TSPEAR: variants seen among roughly 807,000 people sequenced by gnomAD.
TSPEAR encodes thrombospondin type laminin G domain and EAR repeats, also known as thrombospondin-type laminin G domain and EAR repeat-containing protein.
A neutral mutation model predicts 71.6 loss-of-function variants in TSPEAR; 69 were observed. That is an observed-to-expected ratio of 0.96 (90% CI 0.79 to 1.18). The LOEUF is 1.18. Ranked by LOEUF, TSPEAR falls within the 50% of genes most tolerant of loss-of-function variation. The pLI is 0.00. For missense variants in TSPEAR, 971 were observed against 894.9 expected, an observed-to-expected ratio of 1.09 and a Z score of -1.09; for synonymous variants, 402 against 387.2, an observed-to-expected ratio of 1.04 and a Z score of -0.45.
At chr21:44,544,360 C>A (rs1340368401) in intron 2 of TSPEAR, among the ~76,000 whole-genome samples, 6 of 152,012 alleles carry the variant, frequency 3.9e-5, no homozygotes, top group Admixed American at 2.6e-4. Flanking sequence ...TACAAAGGGG[C>A]ATGAGGGAAA....
chr21:44,571,352 G>C (rs1334837678), intron 1 of TSPEAR, among the ~76,000 whole-genome samples: 4 of 152,246 alleles, frequency 2.6e-5, no homozygotes, highest in Non-Finnish European at 4.4e-5. Flanking sequence ...ATCCAGCCTA[G>C]AGGGGAACAT....
At chr21:44,501,915 C>T (rs781842581) in intron 11 of TSPEAR, among the ~76,000 whole-genome samples, 9 of 152,214 alleles carry the variant, frequency 5.9e-5, no homozygotes, top group Non-Finnish European at 1.0e-4. Flanking sequence ...GAAAGCCCTG[C>T]AGTGTGTATT....
chr21:44,681,694 T>C (rs1986598430), intron 1 of TSPEAR: 1 of 1,181,788 alleles, frequency 8.5e-7, no homozygotes, highest in Middle Eastern at 3.0e-4. Context: ...TCTATTATAT[T>C]CTCGATCCAG....
chr21:44,548,205 G>A (rs1189977119), intron 2 of TSPEAR, among the ~76,000 whole-genome samples: 2 of 152,192 alleles, frequency 1.3e-5, no homozygotes, highest in East Asian at 1.9e-4. Context: ...GCACTGCCTT[G>A]CAAACAAGGT....
rs1243726878 is a variant in TSPEAR, at chr21:44,642,304, A to G, written c.82+69129T>C. 1.3e-5 allele frequency among the ~76,000 whole-genome samples: 2 copies of G among 152,220 alleles called. No homozygotes were observed. The highest frequency in any genetic ancestry group is 4.8e-5 in the African/African-American group (2 of 41,446). ...CAAAGATGTATACCATCAGCCTTCA[A>G]TACAAAGACTTTTCTGTGATACTTG... is the stretch of plus-strand genomic sequence containing the variant. On this transcript the variant is annotated intron_variant, in intron 1 of 11. Coordinates refer to ENST00000323084, the MANE Select transcript of TSPEAR (RefSeq NM_144991.3). The surrounding 1 kb of genome is among the most constrained non-coding windows in gnomAD (Gnocchi z 4.1).
chr21:44,594,320 A>G (rs1281876115), intron 1 of TSPEAR, among the ~76,000 whole-genome samples: 1 of 152,214 alleles, frequency 6.6e-6, no homozygotes, highest in Non-Finnish European at 1.5e-5. Context: ...GTAACCTTAT[A>G]AGGGGATAAT....
chr21:44,573,439 C>T (rs1405753427), intron 1 of TSPEAR, among the ~76,000 whole-genome samples: 1 of 152,132 alleles, frequency 6.6e-6, no homozygotes, highest in African/African-American at 2.4e-5. Flanking sequence ...TCCACGTGCG[C>T]CTGGGGAGCA....
chr21:44,663,672 T>C (rs587689505), intron 1 of TSPEAR, among the ~76,000 whole-genome samples: 2 of 152,178 alleles, frequency 1.3e-5, no homozygotes, highest in African/African-American at 4.8e-5. Flanking sequence ...GAAAACTATA[T>C]ACTATTAATA....
chr21:44,603,290 C>T (rs1191039114), intron 1 of TSPEAR, among the ~76,000 whole-genome samples: 1 of 152,186 alleles, frequency 6.6e-6, no homozygotes, highest in Non-Finnish European at 1.5e-5. Context: ...ATGAGCCAGG[C>T]TTCTCTCTGG....
intron 1 of TSPEAR, among the ~76,000 whole-genome samples, chr21:44,699,785 C>T (rs1304666390): frequency 2.0e-5 from 3 of 152,224 alleles, no homozygotes; most frequent in Non-Finnish European, 4.4e-5. Flanking sequence ...GCCACGCTTA[C>T]GGCGGCCTCC....
At chr21:44,667,135 G>A (rs957722292) in intron 1 of TSPEAR, among the ~76,000 whole-genome samples, 1 of 152,186 alleles carries the variant, frequency 6.6e-6, no homozygotes, top group Non-Finnish European at 1.5e-5. Flanking sequence ...TTGGAAACCT[G>A]CCAGAGTGTT....
intron 9 of TSPEAR, chr21:44,517,244 A>C (rs956966847): frequency 2.6e-5 from 4 of 154,516 alleles, no homozygotes; most frequent in African/African-American, 9.6e-5. Context: ...CTTTGGGTGG[A>C]GCCACCACTT....
chr21:44,600,506 C>A, intron 1 of TSPEAR: 2 of 1,261,056 alleles, frequency 1.6e-6, no homozygotes, highest in Non-Finnish European at 2.2e-6. Context: ...CCAGCTGGGA[C>A]AACAGACCAG....
At chr21:44,659,289 ACAAGCAC>A (rs1985354897) in intron 1 of TSPEAR, among the ~76,000 whole-genome samples, 1 of 23,404 alleles carries the variant, frequency 4.3e-5, no homozygotes, top group African/African-American at 4.0e-4. Flanking sequence ...CATCCTAAGC[ACAAGCAC>A]TGATGATACA....
chr21:44,600,459 A>T, intron 1 of TSPEAR: 1 of 850,680 alleles, frequency 1.2e-6, no homozygotes, highest in Non-Finnish European at 1.8e-6. Flanking sequence ...TCTAGGTTTT[A>T]AACACAAACA....
At chr21:44,584,663 C>A (rs587708345) in intron 1 of TSPEAR, among the ~76,000 whole-genome samples, 1 of 152,254 alleles carries the variant, frequency 6.6e-6, no homozygotes, top group Non-Finnish European at 1.5e-5. Context: ...AGGGTCTCAC[C>A]AGTCTTATAT....
intron 1 of TSPEAR, among the ~76,000 whole-genome samples, chr21:44,674,729 A>AAAGT (rs1569252492): frequency 3.7e-5 from 4 of 106,816 alleles, no homozygotes; most frequent in Non-Finnish European, 5.8e-5. Flanking sequence ...CTCTGTCTTT[A>AAAGT]AAGTGTGTGT....
intron 9 of TSPEAR, chr21:44,511,050 C>G (rs1311678640): frequency 6.6e-6 from 1 of 152,304 alleles, no homozygotes; most frequent in Non-Finnish European, 1.5e-5. Flanking sequence ...TCAGCAGCAT[C>G]TGGACTTTGG....
rs587638936 is a variant in TSPEAR at position 44,589,985 on chromosome 21, G to A, written c.83-21980C>T. ...CTCTCATTTGTCCCTTCATGGGGAC[G>A]TGGCTTTGCTTCCAAGGAGGTGGAC... On this transcript the variant is annotated intron_variant, in intron 1 of 11. Transcript: ENST00000323084. 6.4e-4 allele frequency among the ~76,000 whole-genome samples: 98 copies of A among 152,384 alleles called. 1 individual carries two copies. In the Middle Eastern group the frequency reaches 0.014, roughly 21 times the overall value.
Sources: allele counts gnomAD v4.1 joint callset (sites outside exome capture counted in the v4.1 genomes callset), GRCh38; gene constraint gnomAD v4.1.1; non-coding constraint Gnocchi (gnomAD v3.1); transcripts MANE v1.5; gene names NCBI Gene and HGNC (gene_info 2026-07-23, HGNC 2026-07-21).